PXDN: variants seen among roughly 807,000 people sequenced by gnomAD.
PXDN encodes the protein peroxidasin homolog.
PXDN carries 77 observed loss-of-function variants against 140.3 expected under a neutral mutation model. The observed-to-expected ratio is 0.55, with a 90% CI of 0.46 to 0.66. The LOEUF (loss-of-function observed/expected upper bound fraction) is 0.66. Among genes scored for constraint, PXDN ranks in the 30% least tolerant of loss-of-function variants. PXDN has a pLI of 0.00. For missense variants in PXDN, 1,838 were observed against 2,039.5 expected, an observed-to-expected ratio of 0.90 and a Z score of 1.90; for synonymous variants, 911 against 857.4, an observed-to-expected ratio of 1.06 and a Z score of -1.09.
intron 3 of PXDN, among the ~76,000 whole-genome samples, chr2:1,689,363 G>A (rs929366900): frequency 2.0e-5 from 3 of 152,114 alleles, no homozygotes; most frequent in African/African-American, 4.8e-5. Flanking sequence ...TGAGAACATC[G>A]CTTTAGACCC....
chr2:1,730,565 T>C (rs1219191371), intron 1 of PXDN, among the ~76,000 whole-genome samples: 3 of 152,190 alleles, frequency 2.0e-5, no homozygotes, highest in Non-Finnish European at 4.4e-5. Context: ...GCTCAGGGTA[T>C]GGCGGACGGC....
In PXDN at chr2:1,719,958, GA is replaced by G. The variant is rs796894301; in HGVS notation, c.200+24297del. Reference sequence around the variant, plus strand: ...AGAGAGAGAGGGAGGGATGCAGAGAGAGGGAGATGCACAGAGAGAGGGAGGG... The same window carrying G: ...AGAGAGAGAGGGAGGGATGCAGAGAGGGGAGATGCACAGAGAGAGGGAGGG... On this transcript the variant is annotated intron_variant, in intron 1 of 22. Transcript: ENST00000252804. 8.9e-3 allele frequency among the ~76,000 whole-genome samples: 1,021 copies of G among 115,012 alleles called. 137 individuals carry two copies. The highest frequency in any genetic ancestry group is 0.03 in the African/African-American group (923 of 30,988). The allele number at this position is 115,012 out of a possible 152,430, so 75.5% of individuals were successfully genotyped here.
chr2:1,662,262 C>G (rs546171057), intron 12 of PXDN, 78 bp from the exon 13 acceptor site: 11 of 1,213,934 alleles, frequency 9.1e-6, no homozygotes, highest in Middle Eastern at 1.9e-4. Context: ...ATCCCCTGCC[C>G]TCCATCAGGC....
At position 1,639,652 on chromosome 2, in the gene PXDN, G is replaced by A. The variant is rs1682668091; in HGVS notation, c.3953-230C>T. Among the ~76,000 whole-genome samples, 3 of 152,208 alleles carry A rather than the reference G, an allele frequency of 2.0e-5. No individual in the cohort carries two copies. The highest frequency in any genetic ancestry group is 2.1e-4 in the South Asian group (1 of 4,822). ...CCCTCATGACCTCCTGGTGCTGGCC[G>A]CCCTGAGGACAGCTGGGCACACTGA... On this transcript the variant is annotated intron_variant, in intron 19 of 22. Coordinates refer to ENST00000252804, the MANE Select transcript of PXDN (RefSeq NM_012293.3). The surrounding 1 kb of genome is among the most constrained non-coding windows in gnomAD (Gnocchi z 5.0).
intron 14 of PXDN, among the ~76,000 whole-genome samples, chr2:1,656,581 C>A (rs1683138910): frequency 6.6e-6 from 1 of 150,512 alleles, no homozygotes; most frequent in Non-Finnish European, 1.5e-5. Flanking sequence ...AGGGACCTGT[C>A]CCCTCCTGCC....
chr2:1,644,474 G>T, intron 18 of PXDN, 144 bp downstream of exon 18: 1 of 977,614 alleles, frequency 1.0e-6, no homozygotes, highest in Non-Finnish European at 1.4e-6. Flanking sequence ...GGGCCTCAGT[G>T]CCTTCCTCAT....
At chr2:1,726,091 G>A (rs949786336) in intron 1 of PXDN, among the ~76,000 whole-genome samples, 2 of 151,960 alleles carry the variant, frequency 1.3e-5, no homozygotes, top group African/African-American at 4.8e-5. Flanking sequence ...TATACCCAAA[G>A]GACTATAAAT....
At position 1,643,449 on chromosome 2, in the gene PXDN, C is replaced by A. The variant is rs765200523; in HGVS notation, c.3871G>T (p.Val1291Leu). ...ITRVQSDVFRVAEFPHGYGSC... is the reference protein window; with the variant it reads ...ITRVQSDVFRLAEFPHGYGSC... ...CCGTAGCCGTGAGGGAACTCCGCCACCCTGAACACGTCGCTCTGCACCCGG... is the reference window on the plus strand; with the variant it reads ...CCGTAGCCGTGAGGGAACTCCGCCAACCTGAACACGTCGCTCTGCACCCGG... Residue 1291 changes from valine (V) to leucine (L), a missense_variant, in exon 19 of 23, where the codon GTG becomes TTG. Val to Leu is a conservative substitution (Grantham distance 32). Around this residue, in one of 5 missense-constraint regions of PXDN, gnomAD observed 850 missense variants for 894.1 expected, o/e 0.95. Coordinates refer to ENST00000252804, the MANE Select transcript of PXDN (RefSeq NM_012293.3). 6.2e-7 allele frequency: 1 copy of A among 1,613,958 alleles called. No homozygotes were observed. Among genetic ancestry groups the A allele is most frequent in the Non-Finnish European group, 8.5e-7 (1 of 1,179,904 alleles).
At chr2:1,680,923 T>C (rs2125441887) in intron 6 of PXDN, among the ~76,000 whole-genome samples, 1 of 152,148 alleles carries the variant, frequency 6.6e-6, no homozygotes, top group East Asian at 1.9e-4. Context: ...ACCTGGAAAG[T>C]TTCTAGTGAG....
chr2:1,716,295 G>C (rs1179334670), intron 1 of PXDN, among the ~76,000 whole-genome samples: 2 of 151,914 alleles, frequency 1.3e-5, no homozygotes, highest in African/African-American at 4.8e-5. Context: ...AAAATTAGCT[G>C]GGCATGGTGG....
chr2:1,689,927 C>A (rs1242234220), intron 3 of PXDN, among the ~76,000 whole-genome samples: 1 of 152,132 alleles, frequency 6.6e-6, no homozygotes, highest in African/African-American at 2.4e-5. Flanking sequence ...AAGGCTTATG[C>A]CTTACTAGAA....
intron 1 of PXDN, among the ~76,000 whole-genome samples, chr2:1,703,425 A>G (rs1395345304): frequency 4.1e-5 from 2 of 49,228 alleles, no homozygotes; most frequent in African/African-American, 9.4e-5. Flanking sequence ...AGGAGGGACA[A>G]CTCCAGGTGA....
intron 1 of PXDN, among the ~76,000 whole-genome samples, chr2:1,701,478 A>G (rs1390207524): frequency 1.3e-5 from 2 of 152,106 alleles, no homozygotes; most frequent in African/African-American, 4.8e-5. Context: ...GGGTGCCCAG[A>G]GTGGAGGGCA....
Position 1,676,932 on chromosome 2 carries a change from T to C in PXDN, c.843A>G (p.Arg281=), listed in dbSNP as rs1469603783. 15 of 1,610,986 alleles carry C rather than the reference T, an allele frequency of 9.3e-6. No homozygotes were observed. Among genetic ancestry groups the C allele is most frequent in the South Asian group, 1.1e-5 (1 of 89,986 alleles). Reference sequence around the variant, plus strand: ...TCTGTTTGGCCCCAACTCACTTGTTTCGCAGCCAGATGATCTCAGGCTTGG... The same window carrying C: ...TCTGTTTGGCCCCAACTCACTTGTTCCGCAGCCAGATGATCTCAGGCTTGG... ...GNPKPEIIWL[R]NNNELSMKTD... is the part of the protein sequence containing the mutation. Residue 281 remains arginine, a synonymous_variant, in exon 8 of 23, where the codon CGA becomes CGG. Transcript: ENST00000252804.
At position 1,673,945 on chromosome 2, in the gene PXDN, C is replaced by T. The variant is rs2125434527; in HGVS notation, c.849-133G>A. The stretch of plus-strand genomic sequence containing the variant: ...AGGAACAGCTCACCTTCCAGGGTCT[C>T]CTCCTTCCTGGCAGCCCTGACCTAA... On this transcript the variant is annotated intron_variant, in intron 8 of 22. Transcript: ENST00000252804. 8 of 936,904 alleles carry T rather than the reference C, an allele frequency of 8.5e-6. No homozygotes were observed. In the South Asian group the frequency reaches 1.0e-4, roughly 12 times the overall value. The allele number at this position is 936,904 out of a possible 1,614,324, so 58.0% of individuals were successfully genotyped here. A position where few individuals can be genotyped will look rare whatever the true frequency, so the allele number is the denominator to read the frequency against.
chr2:1,639,463 T>C lies in PXDN; in HGVS notation c.3953-41A>G, dbSNP rs1446298335. ...AAAGCAGAATGTCAGCTCTGAAGGC[T>C]CTGACCTCGGGGAAATTAAGCACAT... On this transcript the variant is annotated intron_variant, in intron 19 of 22. Coordinates refer to ENST00000252804, the MANE Select transcript of PXDN (RefSeq NM_012293.3). This position sits in a 1 kb window ranked among gnomAD's most constrained non-coding sequence, Gnocchi z 5.0. The C allele has an allele frequency of 1.2e-6, 2 of 1,610,452 alleles. No homozygotes were observed. The highest frequency in any genetic ancestry group is 1.7e-5 in the Admixed American group (1 of 59,918).
chr2:1,634,712 G>C (rs1014483606), intron 22 of PXDN, among the ~76,000 whole-genome samples: 26 of 152,278 alleles, frequency 1.7e-4, no homozygotes, highest in Admixed American at 1.3e-4. Context: ...TAGAGAGAGG[G>C]GGGAAGGGAC....
intron 1 of PXDN, among the ~76,000 whole-genome samples, chr2:1,729,369 C>A (rs1294515514): frequency 1.3e-5 from 2 of 152,170 alleles, no homozygotes; most frequent in Non-Finnish European, 2.9e-5. Context: ...TGACCCATTA[C>A]AGGCTCCCCA....
intron 1 of PXDN, among the ~76,000 whole-genome samples, chr2:1,694,523 C>T (rs947304079): frequency 6.6e-6 from 1 of 152,224 alleles, no homozygotes; most frequent in Admixed American, 6.5e-5. Context: ...CTCTGCCCAC[C>T]TGGCCCTCCT....
Sources: allele counts gnomAD v4.1 joint callset (sites outside exome capture counted in the v4.1 genomes callset), GRCh38; gene constraint gnomAD v4.1.1; regional missense constraint gnomAD v4.1.1; non-coding constraint Gnocchi (gnomAD v3.1); transcripts MANE v1.5; gene names NCBI Gene and HGNC (gene_info 2026-07-23, HGNC 2026-07-21).